The following TRIM13 variants were observed in gnomAD, a reference collection of about 807,000 sequenced individuals.
TRIM13 encodes the protein E3 ubiquitin-protein ligase TRIM13.
Under a neutral mutation model 27.1 loss-of-function variants are expected in TRIM13, and 15 were observed. The ratio of observed to expected loss-of-function variants is 0.55; its 90% CI spans 0.37 to 0.85. The LOEUF (loss-of-function observed/expected upper bound fraction) is 0.85, where lower values mean the gene tolerates loss of function less well. TRIM13 is among the 40% of genes least tolerant of loss of function. The pLI is 0.00. For missense variants in TRIM13, 402 were observed against 472.2 expected (o/e 0.85, Z 1.38); for synonymous variants, 193 against 171.5 (o/e 1.13, Z -0.98).
chr13:50,008,818 C>G (rs1480460076), intron 1 of TRIM13, among the ~76,000 whole-genome samples: 1 of 151,244 alleles, frequency 6.6e-6, no homozygotes, highest in Non-Finnish European at 1.5e-5. Flanking sequence ...CAATTTGAGA[C>G]TAGCCTAGGC....
chr13:50,009,597 T>G (rs962253135), intron 1 of TRIM13, among the ~76,000 whole-genome samples: 5 of 151,256 alleles, frequency 3.3e-5, no homozygotes, highest in Non-Finnish European at 5.9e-5. Context: ...ATTACCTGCG[T>G]GTGGTGGTAT....
chr13:50,013,068 A>G lies in TRIM13; in HGVS notation c.1128A>G (p.Thr376=), dbSNP rs144925984. The change falls in exon 2 of 2, where the codon ACA becomes ACG. Residue 376 remains threonine (T), a synonymous_variant. Coordinates refer to ENST00000378182, the MANE Select transcript of TRIM13 (RefSeq NM_213590.3). ...CAGTTTTTTACTGGGAACAGGTGAC[A>G]GATGGGTTTTTCATTTTCAATGAAA... ...EQSVFYWEQV[T]DGFFIFNERF... The G allele has an allele frequency of 4.2e-4, 682 of 1,613,852 alleles. 3 individuals are homozygous for G. In the African/African-American group the frequency reaches 7.2e-3, roughly 17 times the overall value.
At chr13:50,007,782 C>CAAAAAAAAAAAAA (rs34741583) in intron 1 of TRIM13, among the ~76,000 whole-genome samples, 1 of 127,792 alleles carries the variant, frequency 7.8e-6, no homozygotes, top group Non-Finnish European at 1.6e-5. Flanking sequence ...GACTTAGTCT[C>CAAAAAAAAAAAAA]AAAAAAAAAA....
At chr13:49,997,797 T>TA (rs1873417603) in intron 1 of TRIM13, 34 bp downstream of exon 1, 2 of 151,690 alleles carry the variant, frequency 1.3e-5, no homozygotes, top group African/African-American at 4.8e-5. Context: ...GTTATCTTTT[T>TA]TTTTTAAACA....
In TRIM13 at chr13:50,012,705, T is replaced by C. The variant is rs780704383; in HGVS notation, c.765T>C (p.Phe255=). 4.3e-6 allele frequency: 7 copies of C among 1,614,130 alleles called. No individual in the cohort carries two copies. The Admixed American group carries it at 6.7e-5, about 15-fold the overall frequency. ...PIVFLQQMQE[F]REKIKVIKET... is the part of the protein sequence containing the mutation. ...TATTTCTGCAACAGATGCAGGAGTT[T>C]AGAGAGAAAATCAAAGTAATCAAGG... The change falls in exon 2 of 2, where the codon TTT becomes TTC. Residue 255 remains phenylalanine, a synonymous_variant. Coordinates refer to ENST00000378182, the MANE Select transcript of TRIM13 (RefSeq NM_213590.3).
chr13:50,011,723 A>T (rs1000276397), intron 1 of TRIM13, among the ~76,000 whole-genome samples: 48 of 152,214 alleles, frequency 3.2e-4, no homozygotes, highest in African/African-American at 1.1e-3. Flanking sequence ...GGCCTTGTGT[A>T]TAGGATGCCC....
At chr13:50,010,170 T>C (rs1001273080) in intron 1 of TRIM13, among the ~76,000 whole-genome samples, 4 of 149,124 alleles carry the variant, frequency 2.7e-5, no homozygotes, top group African/African-American at 9.8e-5. Flanking sequence ...TACCTCAGCC[T>C]CCCGAGTAGT....
In TRIM13 at chr13:50,017,745, G is replaced by T. The variant is rs1876786341; in HGVS notation, c.*4581G>T. The T allele has an allele frequency of 6.0e-6, 1 of 166,958 alleles. No homozygotes were observed. The highest frequency in any genetic ancestry group is 2.4e-5 in the African/African-American group (1 of 41,430). 10.3% of individuals were successfully genotyped at this position (166,958 alleles called of 1,614,324 possible). A position where few individuals can be genotyped will look rare whatever the true frequency, so the allele number is the denominator to read the frequency against. Reference sequence around the variant, plus strand: ...GGGATGAAAACTCTGGCCTTAAAAGGTCCACTTTTAGTATATAATTGCCTA... The same window carrying T: ...GGGATGAAAACTCTGGCCTTAAAAGTTCCACTTTTAGTATATAATTGCCTA... On this transcript the variant is annotated 3_prime_UTR_variant, in exon 2 of 2. Transcript: ENST00000378182.
At chr13:50,006,492 T>C (rs1024444391) in intron 1 of TRIM13, among the ~76,000 whole-genome samples, 1 of 152,198 alleles carries the variant, frequency 6.6e-6, no homozygotes, top group Non-Finnish European at 1.5e-5. Flanking sequence ...AGTGTTGCCC[T>C]TACCACTTTC....
chr13:50,012,734 C>T lies in TRIM13; in HGVS notation c.794C>T (p.Thr265Ile). The T allele has an allele frequency of 6.2e-7, 1 of 1,614,072 alleles. No individual in the cohort carries two copies. The highest frequency in any genetic ancestry group is 8.5e-7 in the Non-Finnish European group (1 of 1,179,994). Reference protein sequence around the residue: ...FREKIKVIKETPLPPSNLPAS... With the variant: ...FREKIKVIKEIPLPPSNLPAS... ...GAGAAAATCAAAGTAATCAAGGAAA[C>T]TCCTTTACCTCCCTCTAATTTGCCT... The change falls in exon 2 of 2, where the codon ACT becomes ATT. Residue 265 changes from threonine to isoleucine, a missense_variant. Around this residue, in one of 2 missense-constraint regions of TRIM13, gnomAD observed 200 missense variants for 194.7 expected, o/e 1.03. Coordinates refer to ENST00000378182, the MANE Select transcript of TRIM13 (RefSeq NM_213590.3).
At chr13:50,005,741 T>G (rs1296050279) in intron 1 of TRIM13, among the ~76,000 whole-genome samples, 5 of 138,044 alleles carry the variant, frequency 3.6e-5, no homozygotes, top group African/African-American at 5.3e-5. Flanking sequence ...AAATATTTAG[T>G]TTTTTTTTTT....
intron 1 of TRIM13, among the ~76,000 whole-genome samples, chr13:50,010,165 C>T (rs1875436538): frequency 6.6e-6 from 1 of 151,246 alleles, no homozygotes; most frequent in Non-Finnish European, 1.5e-5. Flanking sequence ...TCTCATACCT[C>T]AGCCTCCCGA....
rs748601456 is a variant in TRIM13 at position 50,012,887 on chromosome 13, A to C, written c.947A>C (p.Lys316Thr). The C allele has an allele frequency of 6.2e-7, 1 of 1,614,002 alleles. No individual in the cohort carries two copies. The highest frequency in any genetic ancestry group is 8.5e-7 in the Non-Finnish European group (1 of 1,179,988). ...AGCAAGATTCCCTGGAGCTTTTATAAGTTATTTTTGCTAATCCTTCTGCTT... is the reference window on the plus strand; with the variant it reads ...AGCAAGATTCCCTGGAGCTTTTATACGTTATTTTTGCTAATCCTTCTGCTT... The part of the protein sequence containing the change: ...FISKIPWSFY[K>T]LFLLILLLGL... Residue 316 changes from lysine to threonine, a missense_variant, in exon 2 of 2, where the codon AAG becomes ACG. Lys to Thr is a moderately conservative substitution (Grantham distance 78). Coordinates refer to ENST00000378182, the MANE Select transcript of TRIM13 (RefSeq NM_213590.3).
intron 1 of TRIM13, among the ~76,000 whole-genome samples, chr13:50,006,028 T>A (rs1426726815): frequency 2.6e-5 from 4 of 152,078 alleles, no homozygotes; most frequent in African/African-American, 9.7e-5. Context: ...AATATGTAGA[T>A]TTTAAAGTGA....
chr13:50,016,076 T>C lies in TRIM13; in HGVS notation c.*2912T>C. 6.2e-7 allele frequency: 1 copy of C among 1,607,328 alleles called. No homozygotes were observed. Among genetic ancestry groups the C allele is most frequent in the Non-Finnish European group, 8.5e-7 (1 of 1,174,216 alleles). On this transcript the variant is annotated 3_prime_UTR_variant, in exon 2 of 2. Coordinates refer to ENST00000378182, the MANE Select transcript of TRIM13 (RefSeq NM_213590.3). ...TGATAACCAAACTGGAGTCAGGTAT[T>C]TTGTACTTTGCAGTATTTCTCTTGT...
chr13:50,010,226 AT>A (rs1473262713), intron 1 of TRIM13, among the ~76,000 whole-genome samples: 1 of 150,514 alleles, frequency 6.6e-6, no homozygotes. Context: ...TTTTTTTGGT[AT>A]TTTTTTTGTA....
Position 50,013,255 on chromosome 13 carries a change from T to C in TRIM13, c.*91T>C, listed in dbSNP as rs1875895751. On this transcript the variant is annotated 3_prime_UTR_variant, in exon 2 of 2. Coordinates refer to ENST00000378182, the MANE Select transcript of TRIM13 (RefSeq NM_213590.3). The stretch of plus-strand genomic sequence containing the variant: ...GATTTGGTCAACGATTCTAGTCACA[T>C]ATTTTCCTCCAAAAGTATTCCTTCC... 2.4e-6 allele frequency: 3 copies of C among 1,274,768 alleles called. No homozygotes were observed. Among genetic ancestry groups the C allele is most frequent in the Non-Finnish European group, 3.2e-6 (3 of 938,642 alleles). The allele number at this position is 1,274,768 out of a possible 1,614,324, so 79.0% of individuals were successfully genotyped here.
At chr13:50,005,212 T>C (rs1874534849) in intron 1 of TRIM13, among the ~76,000 whole-genome samples, 1 of 152,180 alleles carries the variant, frequency 6.6e-6, no homozygotes, top group African/African-American at 2.4e-5. Context: ...TTGTAAGTTA[T>C]TTTGCTGTGA....
At position 50,013,022 on chromosome 13, in the gene TRIM13, C is replaced by G. The variant is rs1875857160; in HGVS notation, c.1082C>G (p.Thr361Arg). Reference protein sequence around the residue: ...LSNFSSYLTKTADFIEQSVFY... With the variant: ...LSNFSSYLTKRADFIEQSVFY... The stretch of plus-strand genomic sequence containing the variant: ...AACTTCAGTTCCTATCTGACTAAAA[C>G]AGCCGATTTCATAGAACAATCAGTT... The change falls in exon 2 of 2, where the codon ACA becomes AGA. Residue 361 changes from threonine to arginine, a missense_variant. Transcript: ENST00000378182. The G allele has an allele frequency of 6.2e-7, 1 of 1,613,838 alleles. No homozygotes were observed. Among genetic ancestry groups the G allele is most frequent in the Non-Finnish European group, 8.5e-7 (1 of 1,179,982 alleles).
Sources: allele counts gnomAD v4.1 joint callset (sites outside exome capture counted in the v4.1 genomes callset), GRCh38; gene constraint gnomAD v4.1.1; regional missense constraint gnomAD v4.1.1; transcripts MANE v1.5; gene names NCBI Gene and HGNC (gene_info 2026-07-23, HGNC 2026-07-21).